Variants in ASMT observed in about 807,000 individuals in gnomAD.
ASMT encodes the protein acetylserotonin O-methyltransferase.
Under a neutral mutation model 41.3 loss-of-function variants are expected in ASMT, and 53 were observed. The ratio of observed to expected loss-of-function variants is 1.28; its 90% CI spans 1.03 to 1.61. The LOEUF (loss-of-function observed/expected upper bound fraction) is 1.61, where lower values mean the gene tolerates loss of function less well. Ranked by LOEUF, ASMT falls within the 40% of genes most tolerant of loss-of-function variation. The pLI, the probability that ASMT is intolerant of heterozygous loss-of-function variation, is 0.00. For synonymous variants in ASMT, 231 were observed against 184.8 expected (o/e 1.25, Z -2.03); for missense variants, 531 against 441.3 (o/e 1.20, Z -1.82).
At chrX:1,616,429 G>C (rs1206606539) in intron 1 of ASMT, among the ~76,000 whole-genome samples, 1 of 151,462 alleles carries the variant, frequency 6.6e-6, no homozygotes, top group Non-Finnish European at 1.5e-5. Context: ...TGGACTGGTG[G>C]TTTGCAGAGG....
intron 3 of ASMT, among the ~76,000 whole-genome samples, chrX:1,625,553 G>C (rs1189164986): frequency 1.9e-4 from 26 of 137,244 alleles, no homozygotes; most frequent in Admixed American, 1.5e-3. Flanking sequence ...AGGGAGGGAG[G>C]GAGGGAGGGA....
intron 1 of ASMT, among the ~76,000 whole-genome samples, chrX:1,617,108 G>C (rs867089142): frequency 6.6e-6 from 1 of 152,124 alleles, no homozygotes; most frequent in Non-Finnish European, 1.5e-5. Context: ...AGGAGATGAA[G>C]GCTGCAGTGA....
rs772104396 is a variant in ASMT, at chrX:1,632,305, C to A, written c.563-399C>A. 2.6e-5 allele frequency among the ~76,000 whole-genome samples: 4 copies of A among 152,212 alleles called. No homozygotes were observed. The South Asian group carries it at 8.3e-4, about 32-fold the overall frequency. On this transcript the variant is annotated intron_variant, in intron 5 of 8. Transcript: ENST00000381241. ...CCCAGCCAGAAAGACCACCTGAACT[C>A]AGGGGCCTGTAGACAATCACGTCAC...
At chrX:1,630,709 G>A (rs1390522840) in intron 5 of ASMT, among the ~76,000 whole-genome samples, 6 of 151,500 alleles carry the variant, frequency 4.0e-5, no homozygotes, top group African/African-American at 7.3e-5. Context: ...GATGACTGCC[G>A]CCACACCTAG....
intron 8 of ASMT, among the ~76,000 whole-genome samples, chrX:1,641,499 G>A (rs1388010264): frequency 6.7e-6 from 1 of 148,646 alleles, no homozygotes; most frequent in African/African-American, 2.5e-5. Context: ...GATGGTTCAT[G>A]GGGACGTGAG....
At chrX:1,617,464 T>G (rs1934177565) in intron 1 of ASMT, among the ~76,000 whole-genome samples, 1 of 151,606 alleles carries the variant, frequency 6.6e-6, no homozygotes, top group Admixed American at 6.6e-5. Context: ...GCAGTGAGAC[T>G]CTGTCTCAGA....
rs1395015246 is a variant in ASMT at position 1,615,951 on chromosome X, C to T, written c.69+683C>T. Among the ~76,000 whole-genome samples the T allele has an allele frequency of 7.9e-5, 12 of 152,256 alleles. 1 individual carries two copies. In the East Asian group the frequency reaches 2.1e-3, roughly 27 times the overall value. ...AGTAGTATATGTGGTTGTTTATTAACCCAGTAAATAATTACACTGTGCGTT... is the reference window on the plus strand; with the variant it reads ...AGTAGTATATGTGGTTGTTTATTAATCCAGTAAATAATTACACTGTGCGTT... On this transcript the variant is annotated intron_variant, in intron 1 of 8. Transcript: ENST00000381241.
intron 8 of ASMT, 110 bp from the exon 9 acceptor site, chrX:1,642,679 TGTGTGATGGGGACG>T: frequency 1.2e-6 from 1 of 848,578 alleles, no homozygotes; most frequent in African/African-American, 1.7e-5. Flanking sequence ...AGCCTCTGAG[TGTGTGATGGGGACG>T]GTGCCCTGAC....
chrX:1,627,327 TA>T lies in ASMT; in HGVS notation c.375-372del, dbSNP rs1934587748. On this transcript the variant is annotated intron_variant, in intron 3 of 8. Transcript: ENST00000381241. ...GGCGACACAGCGAGACTCCATCTCC[TA>T]AAATAAAATAAGGCCAGGTGTGGTG... 3.1e-5 allele frequency among the ~76,000 whole-genome samples: 4 copies of T among 129,410 alleles called. No individual in the cohort carries two copies. The South Asian group carries it at 9.7e-4, about 31-fold the overall frequency. The allele number at this position is 129,410 out of a possible 152,430, so 84.9% of individuals were successfully genotyped here.
chrX:1,616,910 G>C (rs112028425), intron 1 of ASMT, among the ~76,000 whole-genome samples: 6 of 151,648 alleles, frequency 4.0e-5, no homozygotes, highest in Non-Finnish European at 8.8e-5. Flanking sequence ...GGGTTTCACC[G>C]TGTTAGCCAG....
chrX:1,635,748 G>A (rs1352027377), intron 7 of ASMT, among the ~76,000 whole-genome samples: 2 of 151,600 alleles, frequency 1.3e-5, no homozygotes, highest in East Asian at 2.0e-4. Flanking sequence ...TGTAATCCCA[G>A]CTACTCAGGA....
At chrX:1,636,375 A>G (rs772453238) in intron 7 of ASMT, 63 bp from the exon 8 acceptor site, 1 of 1,613,554 alleles carries the variant, frequency 6.2e-7, no homozygotes, top group Admixed American at 1.7e-5. Context: ...TGTGCCCAGA[A>G]TAGGTTTAGT....
At chrX:1,641,748 AGTACATGGACACAGCCTCTCTGTGT>A (rs1935181103) in intron 8 of ASMT, among the ~76,000 whole-genome samples, 2 of 148,238 alleles carry the variant, frequency 1.3e-5, no homozygotes, top group African/African-American at 5.0e-5. Flanking sequence ...GTGGTCCATG[AGTACATGGACACAGCCTCTCTGTGT>A]GTGATAAGGA....
chrX:1,631,468 G>A (rs1934774439), intron 5 of ASMT, among the ~76,000 whole-genome samples: 1 of 152,066 alleles, frequency 6.6e-6, no homozygotes, highest in Admixed American at 6.6e-5. Flanking sequence ...TCTCCCTCCT[G>A]TGACTCAGTG....
chrX:1,616,052 G>T (rs1474337874), intron 1 of ASMT, among the ~76,000 whole-genome samples: 40 of 151,436 alleles, frequency 2.6e-4, no homozygotes, highest in Non-Finnish European at 5.6e-4. Flanking sequence ...TTTTTGAGCT[G>T]GAGTCTCACT....
chrX:1,633,130 C>G lies in ASMT; in HGVS notation c.647-20C>G. 6.2e-7 allele frequency: 1 copy of G among 1,613,864 alleles called. No individual in the cohort carries two copies. Among genetic ancestry groups the G allele is most frequent in the Non-Finnish European group, 8.5e-7 (1 of 1,179,846 alleles). ...CTCAGGTTCATCTCTGAGGGTCAAA[C>G]GGGCTGTGTCCCCTTCCAGGTGGGG... is the stretch of plus-strand genomic sequence containing the variant. On this transcript the variant is annotated intron_variant, in intron 6 of 8. Transcript: ENST00000381241.
Position 1,636,564 on chromosome X carries a change from A to C in ASMT, c.910+4A>C. The C allele has an allele frequency of 1.2e-6, 2 of 1,609,204 alleles. No homozygotes were observed. Among genetic ancestry groups the C allele is most frequent in the Non-Finnish European group, 1.7e-6 (2 of 1,178,708 alleles). The stretch of plus-strand genomic sequence containing the variant: ...ATCTACCACACTTGCAAGCCAGGTA[A>C]GTTGTGGGGTTTGCATTTCAGCGTG... On this transcript the variant is annotated splice_donor_region_variant and intron_variant, in intron 8 of 8. Transcript: ENST00000381241.
At chrX:1,618,729 G>A (rs1314464523) in intron 1 of ASMT, among the ~76,000 whole-genome samples, 9 of 152,220 alleles carry the variant, frequency 5.9e-5, no homozygotes, top group African/African-American at 1.2e-4. Flanking sequence ...GAGCCAACAT[G>A]TCTGGCTAAT....
chrX:1,636,677 C>T, intron 8 of ASMT, 117 bp downstream of exon 8: 1 of 1,483,284 alleles, frequency 6.7e-7, no homozygotes, highest in Non-Finnish European at 9.4e-7. Flanking sequence ...ACATCCTGCC[C>T]AATATGGCTT....
Sources: gnomAD v4.1 joint callset for allele counts (sites outside exome capture counted in the v4.1 genomes callset) on GRCh38, gnomAD v4.1.1 for gene constraint, MANE v1.5 for transcripts, NCBI Gene and HGNC (gene_info 2026-07-23, HGNC 2026-07-21) for gene names.